Variants in MPPED2 observed in about 807,000 individuals in gnomAD.
MPPED2 encodes metallophosphoesterase MPPED2.
A neutral mutation model predicts 33.0 loss-of-function variants in MPPED2; 5 were observed. That is an observed-to-expected ratio of 0.15 (90% CI 0.08 to 0.32). MPPED2 has a LOEUF of 0.32. Ranked by LOEUF, MPPED2 falls within the 10% of genes least tolerant of loss-of-function variation. The probability of loss-of-function intolerance (pLI) is 1.00; values close to 1 mark genes in which losing one functional copy is unlikely to be tolerated. For missense variants in MPPED2, 275 were observed against 372.1 expected, an observed-to-expected ratio of 0.74 and a Z score of 2.15; for synonymous variants, 136 against 141.9, an observed-to-expected ratio of 0.96 and a Z score of 0.29.
chr11:30,455,124 C>A (rs1950225712), intron 4 of MPPED2, among the ~76,000 whole-genome samples: 1 of 152,192 alleles, frequency 6.6e-6, no homozygotes, highest in South Asian at 2.1e-4. Flanking sequence ...TGAAATTTCC[C>A]AGTTGTCCCA....
Position 30,404,589 on chromosome 11 carries a change from G to A in MPPED2, c.766+9639C>T, listed in dbSNP as rs192949667. Among the ~76,000 whole-genome samples the A allele has an allele frequency of 3.3e-5, 5 of 152,214 alleles. No individual in the cohort carries two copies. The East Asian group carries it at 5.8e-4, about 18-fold the overall frequency. ...TTGTCTGAGTTTTATGCCACACCTC[G>A]CACGTCCCCATATCTATGGCCACTC... On this transcript the variant is annotated intron_variant, in intron 6 of 6. Coordinates refer to the MPPED2 transcript ENST00000448418.
At chr11:30,407,306 G>T (rs1044858190), downstream of MPPED2, among the ~76,000 whole-genome samples, 1 of 152,230 alleles carries the variant, frequency 6.6e-6, no homozygotes, top group Admixed American at 6.5e-5. Flanking sequence ...CAAGGGCAGA[G>T]AGATGCTGTG....
intron 4 of MPPED2, among the ~76,000 whole-genome samples, chr11:30,477,396 T>C (rs1453187181): frequency 6.6e-6 from 1 of 152,134 alleles, no homozygotes; most frequent in Non-Finnish European, 1.5e-5. Flanking sequence ...AGCTTTCTAC[T>C]CCTGGTTGCT....
At chr11:30,449,150 C>T (rs11031094) in intron 4 of MPPED2, among the ~76,000 whole-genome samples, 14,406 of 151,916 alleles carry the variant, frequency 0.095, 2,212 homozygotes, top group African/African-American at 0.33. Flanking sequence ...AACACAGTGC[C>T]TGGAACATGG....
chr11:30,451,949 C>T (rs75132854), intron 4 of MPPED2: 15,872 of 985,316 alleles, frequency 0.016, 130 homozygotes, highest in Non-Finnish European at 0.018. Flanking sequence ...GGAATCACAC[C>T]AATTAATTCG....
chr11:30,526,837 G>C (rs1352203566), intron 3 of MPPED2, among the ~76,000 whole-genome samples: 2 of 152,048 alleles, frequency 1.3e-5, no homozygotes, highest in Admixed American at 1.3e-4. Flanking sequence ...TCTTTGGGAA[G>C]TGCCAGGTAC....
At chr11:30,418,683 C>T (rs899291442) in intron 4 of MPPED2, among the ~76,000 whole-genome samples, 4 of 152,216 alleles carry the variant, frequency 2.6e-5, no homozygotes, top group Non-Finnish European at 5.9e-5. Context: ...TTCAGTTTAA[C>T]CTGCCCCTTC....
intron 3 of MPPED2, among the ~76,000 whole-genome samples, chr11:30,535,048 C>A (rs1055973882): frequency 2.0e-5 from 3 of 152,070 alleles, no homozygotes; most frequent in African/African-American, 7.2e-5. Flanking sequence ...CATGAAAAAT[C>A]AAAATAATTA....
chr11:30,452,326 C>T (rs957839297), intron 4 of MPPED2, among the ~76,000 whole-genome samples: 10 of 152,314 alleles, frequency 6.6e-5, no homozygotes, highest in African/African-American at 2.4e-4. Flanking sequence ...GTTGAGTCAT[C>T]CTTCAAGATC....
At chr11:30,478,114 A>G (rs1365442256) in intron 4 of MPPED2, among the ~76,000 whole-genome samples, 3 of 151,926 alleles carry the variant, frequency 2.0e-5, no homozygotes, top group Non-Finnish European at 4.4e-5. Context: ...GAAATGAAAA[A>G]CTTCATTGGA....
At chr11:30,430,182 TAAAAAG>T (rs1949014923) in intron 4 of MPPED2, among the ~76,000 whole-genome samples, 1 of 152,204 alleles carries the variant, frequency 6.6e-6, no homozygotes, top group Admixed American at 6.5e-5. Context: ...ATTGGGCTTT[TAAAAAG>T]CAAAGGTCAT....
At chr11:30,426,442 G>A (rs1948841512) in intron 4 of MPPED2, among the ~76,000 whole-genome samples, 1 of 152,162 alleles carries the variant, frequency 6.6e-6, no homozygotes. Flanking sequence ...CAGGCACTAA[G>A]CTTGACCACA....
rs544363800 is a variant in MPPED2 at position 30,475,570 on chromosome 11, G to A, written c.536+19726C>T. On this transcript the variant is annotated intron_variant, in intron 4 of 6. Transcript: ENST00000358117. Reference sequence around the variant, plus strand: ...GTAAATGTACTCTTTTGTGTCTGGCGTCTTTCATTCAATATAATGATCTTC... The same window carrying A: ...GTAAATGTACTCTTTTGTGTCTGGCATCTTTCATTCAATATAATGATCTTC... Among the ~76,000 whole-genome samples the A allele has an allele frequency of 1.0e-3, 155 of 152,198 alleles. No individual in the cohort carries two copies. In the Middle Eastern group the frequency reaches 0.014, roughly 13 times the overall value.
chr11:30,452,819 C>A (rs1950120003), intron 4 of MPPED2, among the ~76,000 whole-genome samples: 1 of 152,074 alleles, frequency 6.6e-6, no homozygotes, highest in Admixed American at 6.6e-5. Context: ...AGTTTCTCTG[C>A]CAACATTATT....
rs147097926 is a variant in MPPED2 at position 30,518,484 on chromosome 11, G to A, written c.310+17510C>T. Among the ~76,000 whole-genome samples the A allele has an allele frequency of 3.5e-3, 534 of 152,268 alleles. 1 individual carries two copies. Among genetic ancestry groups the A allele is most frequent in the Non-Finnish European group, 4.0e-3 (270 of 68,014 alleles). On this transcript the variant is annotated intron_variant, in intron 3 of 6. Coordinates refer to ENST00000358117, the MANE Select transcript of MPPED2 (RefSeq NM_001584.3). ...ATATGCCAAAATGAAAATGTGATAC[G>A]TTTTTAATAAAGATGAGAAATTAAA...
At chr11:30,562,564 C>A (rs1956280740) in intron 2 of MPPED2, among the ~76,000 whole-genome samples, 1 of 152,130 alleles carries the variant, frequency 6.6e-6, no homozygotes, top group Non-Finnish European at 1.5e-5. Context: ...CCCAAAAAAT[C>A]TTATTTTAGA....
intron 2 of MPPED2, among the ~76,000 whole-genome samples, chr11:30,537,609 T>C (rs1013357108): frequency 2.0e-5 from 3 of 152,198 alleles, no homozygotes; most frequent in Non-Finnish European, 4.4e-5. Context: ...GACTAACCTT[T>C]TTATTTCCTC....
intron 4 of MPPED2, among the ~76,000 whole-genome samples, chr11:30,427,967 A>C (rs901624905): frequency 2.6e-5 from 4 of 152,166 alleles, no homozygotes; most frequent in Admixed American, 2.0e-4. Context: ...CTTCGACTCT[A>C]CTTTTTCTAA....
At chr11:30,395,392 T>A (rs1213133888) in intron 6 of MPPED2, among the ~76,000 whole-genome samples, 3 of 152,146 alleles carry the variant, frequency 2.0e-5, no homozygotes, top group Non-Finnish European at 4.4e-5. Flanking sequence ...TAAGCCAGAG[T>A]TAGGACTCAA....
Sources: gnomAD v4.1 joint callset for allele counts (sites outside exome capture counted in the v4.1 genomes callset) on GRCh38, gnomAD v4.1.1 for gene constraint, MANE v1.5 for transcripts, NCBI Gene and HGNC (gene_info 2026-07-23, HGNC 2026-07-21) for gene names.